Variants in DNAJB14 observed in about 807,000 individuals in gnomAD.
DNAJB14 encodes DnaJ heat shock protein family (Hsp40) member B14, also known as dnaJ homolog subfamily B member 14.
A neutral mutation model predicts 48.4 loss-of-function variants in DNAJB14; 22 were observed. That is an observed-to-expected ratio of 0.45 (90% CI 0.32 to 0.65). The LOEUF is 0.65. DNAJB14 is among the 30% of genes least tolerant of loss of function. The pLI is 0.03. For synonymous variants in DNAJB14, 142 were observed against 158.7 expected, an observed-to-expected ratio of 0.89 and a Z score of 0.79; for missense variants, 319 against 458.8, an observed-to-expected ratio of 0.70 and a Z score of 2.78.
chr4:99,912,921 A>G (rs570199771), intron 3 of DNAJB14, among the ~76,000 whole-genome samples: 2 of 152,342 alleles, frequency 1.3e-5, no homozygotes, highest in South Asian at 4.1e-4. Flanking sequence ...TTAAACTTAC[A>G]CCTAAGTATT....
intron 2 of DNAJB14, 146 bp downstream of exon 2, chr4:99,930,304 A>G (rs1726415798): frequency 2.9e-6 from 2 of 689,474 alleles, no homozygotes; most frequent in East Asian, 6.0e-5. Context: ...AGTTTTATAA[A>G]GAATATGAAG....
At chr4:99,910,380 A>C (rs1725617022) in intron 3 of DNAJB14, 1 of 152,068 alleles carries the variant, frequency 6.6e-6, no homozygotes, top group Non-Finnish European at 1.5e-5. Flanking sequence ...TCATACCTAA[A>C]AAAAGAAGCA....
chr4:99,922,412 A>G (rs1381927783), intron 3 of DNAJB14: 1 of 152,186 alleles, frequency 6.6e-6, no homozygotes, highest in Admixed American at 6.5e-5. Flanking sequence ...AATTATTACA[A>G]ATAAATTGTA....
At chr4:99,908,166 A>C (rs1383095460) in intron 4 of DNAJB14, among the ~76,000 whole-genome samples, 1 of 152,028 alleles carries the variant, frequency 6.6e-6, no homozygotes, top group Non-Finnish European at 1.5e-5. Flanking sequence ...ACAATATTTC[A>C]CTTTGATAGT....
intron 2 of DNAJB14, 188 bp downstream of exon 2, chr4:99,930,262 G>A: frequency 2.3e-6 from 1 of 442,750 alleles, no homozygotes; most frequent in Non-Finnish European, 3.7e-6. Flanking sequence ...TTAAAAAATA[G>A]AATATTCTAT....
At chr4:99,936,744 C>T (rs1267048502) in intron 1 of DNAJB14, among the ~76,000 whole-genome samples, 1 of 152,110 alleles carries the variant, frequency 6.6e-6, no homozygotes, top group Non-Finnish European at 1.5e-5. Flanking sequence ...CCTGAAGGGG[C>T]TCGCACTAAC....
intron 2 of DNAJB14, chr4:99,924,902 A>G: frequency 1.1e-6 from 1 of 891,362 alleles, no homozygotes. Context: ...CAAAAATCTG[A>G]CCGAAAAGAT....
At chr4:99,937,743 C>T (rs1275343727) in intron 1 of DNAJB14, among the ~76,000 whole-genome samples, 1 of 151,500 alleles carries the variant, frequency 6.6e-6, no homozygotes, top group Non-Finnish European at 1.5e-5. Context: ...CACGTCACTT[C>T]CATAGTATTA....
intron 1 of DNAJB14, among the ~76,000 whole-genome samples, chr4:99,942,945 T>C (rs1400410510): frequency 6.6e-6 from 1 of 152,166 alleles, no homozygotes; most frequent in Admixed American, 6.5e-5. Flanking sequence ...AGGGCTAAAA[T>C]TTTAAAATCT....
chr4:99,934,877 C>T (rs1034917657), intron 1 of DNAJB14, among the ~76,000 whole-genome samples: 1 of 124,230 alleles, frequency 8.0e-6, no homozygotes, highest in Admixed American at 8.1e-5. Context: ...AAAAATAAGA[C>T]ATTTTAAAAA....
chr4:99,939,973 A>G (rs1726830412), intron 1 of DNAJB14, among the ~76,000 whole-genome samples: 1 of 152,216 alleles, frequency 6.6e-6, no homozygotes, highest in South Asian at 2.1e-4. Flanking sequence ...AATTTTATCC[A>G]ATCTTATTTT....
Position 99,930,447 on chromosome 4 carries a change from T to C in DNAJB14, c.305+3A>G. The stretch of plus-strand genomic sequence containing the variant: ...TTGAGATGTAAACCATATTTATTCC[T>C]ACCTGAGAACTCCATCTACTTGGTC... On this transcript the variant is annotated splice_donor_region_variant and intron_variant, in intron 2 of 7. Transcript: ENST00000442697. 6.3e-7 allele frequency: 1 copy of C among 1,590,604 alleles called. No individual in the cohort carries two copies. The highest frequency in any genetic ancestry group is 8.6e-7 in the Non-Finnish European group (1 of 1,169,382).
At chr4:99,921,961 C>T (rs189715998) in intron 3 of DNAJB14, among the ~76,000 whole-genome samples, 4 of 152,222 alleles carry the variant, frequency 2.6e-5, no homozygotes, top group African/African-American at 9.6e-5. Flanking sequence ...TTTCTGGATA[C>T]ATTCTTCAGG....
At chr4:99,941,785 A>C (rs1726899247) in intron 1 of DNAJB14, among the ~76,000 whole-genome samples, 1 of 152,148 alleles carries the variant, frequency 6.6e-6, no homozygotes. Flanking sequence ...CCAAGGTCAC[A>C]TCATTATTAA....
intron 1 of DNAJB14, among the ~76,000 whole-genome samples, chr4:99,940,298 A>T (rs574295965): frequency 6.6e-6 from 1 of 152,302 alleles, no homozygotes; most frequent in South Asian, 2.1e-4. Flanking sequence ...TCAGCTCATT[A>T]AAAAACATAA....
intron 1 of DNAJB14, among the ~76,000 whole-genome samples, chr4:99,945,272 T>C (rs1727027607): frequency 6.6e-6 from 1 of 152,188 alleles, no homozygotes; most frequent in Non-Finnish European, 1.5e-5. Flanking sequence ...CTCATGGGTA[T>C]AGTGTTAGAA....
chr4:99,926,571 T>C (rs1345491515), intron 2 of DNAJB14: 1 of 152,116 alleles, frequency 6.6e-6, no homozygotes, highest in East Asian at 1.9e-4. Context: ...TTTGAGTGTG[T>C]AGGATGTTTA....
chr4:99,911,937 T>A (rs1309925661), intron 3 of DNAJB14, among the ~76,000 whole-genome samples: 1 of 152,184 alleles, frequency 6.6e-6, no homozygotes. Context: ...GCTTTTGGGA[T>A]TAAGTCTTAA....
Position 99,930,514 on chromosome 4 carries a change from T to C in DNAJB14, c.241A>G (p.Ser81Gly), listed in dbSNP as rs749644911. ...DQSKPNCTKD[S>G]TSGSGEGGKG... Reference sequence around the variant, plus strand: ...CCACCTTCACCACTACCAGATGTGCTGTCCTTTGTGCAATTAGGCTTGCTT... The same window carrying C: ...CCACCTTCACCACTACCAGATGTGCCGTCCTTTGTGCAATTAGGCTTGCTT... Residue 81 changes from serine (S) to glycine (G), a missense_variant, in exon 2 of 8, where the codon AGC (serine) becomes GGC (glycine). This residue lies in a region of DNAJB14 where 116 missense variants were observed against 134.6 expected (regional missense o/e 0.86). Transcript: ENST00000442697. The C allele has an allele frequency of 1.7e-5, 27 of 1,612,826 alleles. No individual in the cohort carries two copies. The highest frequency in any genetic ancestry group is 2.1e-5 in the Non-Finnish European group (25 of 1,179,358).
Sources: allele counts gnomAD v4.1 joint callset (sites outside exome capture counted in the v4.1 genomes callset), GRCh38; gene constraint gnomAD v4.1.1; regional missense constraint gnomAD v4.1.1; transcripts MANE v1.5; gene names NCBI Gene and HGNC (gene_info 2026-07-23, HGNC 2026-07-21).